The following CNTN1 variants were observed in gnomAD, a reference collection of about 807,000 sequenced individuals.
The protein encoded by CNTN1 is contactin-1.
CNTN1 carries 38 observed loss-of-function variants against 126.4 expected under a neutral mutation model. The observed-to-expected ratio is 0.30, with a 90% confidence interval of 0.23 to 0.39. CNTN1 has a LOEUF of 0.39. Ranked by LOEUF, CNTN1 falls within the 10% of genes least tolerant of loss-of-function variation. CNTN1 has a pLI of 1.00. For synonymous variants in CNTN1, 413 were observed against 422.6 expected, an observed-to-expected ratio of 0.98 and a Z score of 0.28; for missense variants, 1,009 against 1,248.4, an observed-to-expected ratio of 0.81 and a Z score of 2.89.
At chr12:40,844,069 A>AGTTTTTTTTTTTTT (rs1942396619) in intron 1 of CNTN1, among the ~76,000 whole-genome samples, 1 of 84,684 alleles carries the variant, frequency 1.2e-5, no homozygotes, top group Non-Finnish European at 2.3e-5. Context: ...TGGCACAATG[A>AGTTTTTTTTTTTTT]TTTTTTTTTT....
At chr12:40,762,882 A>G (rs1938919809) in intron 1 of CNTN1, among the ~76,000 whole-genome samples, 1 of 152,206 alleles carries the variant, frequency 6.6e-6, no homozygotes. Flanking sequence ...TAGTTTGAAT[A>G]TTTGTCCCCT....
chr12:40,999,737 C>G (rs1592381428), intron 17 of CNTN1, among the ~76,000 whole-genome samples: 2 of 119,116 alleles, frequency 1.7e-5, no homozygotes, highest in African/African-American at 3.3e-5. Flanking sequence ...GCATCTTGCT[C>G]TGTCGCCCAG....
chr12:40,921,178 A>C (rs1313745980), intron 4 of CNTN1, among the ~76,000 whole-genome samples: 7 of 152,224 alleles, frequency 4.6e-5, no homozygotes, highest in Non-Finnish European at 1.0e-4. Context: ...TATACTGCGA[A>C]AATTGTAACT....
At chr12:40,747,326 T>TGTGTGTGG (rs1418083135) in intron 1 of CNTN1, among the ~76,000 whole-genome samples, 1 of 151,814 alleles carries the variant, frequency 6.6e-6, no homozygotes, top group Non-Finnish European at 1.5e-5. Flanking sequence ...TGTGTGTGTG[T>TGTGTGTGG]GTGTGTTAGT....
At chr12:40,965,998 CCACA>C (rs57532764) in intron 15 of CNTN1, among the ~76,000 whole-genome samples, 6,668 of 136,186 alleles carry the variant, frequency 0.049, 219 homozygotes, top group African/African-American at 0.1. Flanking sequence ...CCTCATCACA[CCACA>C]CACACACACA....
At chr12:41,045,569 A>T (rs1312463651) in intron 23 of CNTN1, among the ~76,000 whole-genome samples, 2 of 152,156 alleles carry the variant, frequency 1.3e-5, no homozygotes, top group Non-Finnish European at 2.9e-5. Context: ...CTTAAACTGG[A>T]AAGTGATATG....
chr12:40,866,749 C>T (rs1943312193), intron 1 of CNTN1, among the ~76,000 whole-genome samples: 1 of 152,118 alleles, frequency 6.6e-6, no homozygotes, highest in Non-Finnish European at 1.5e-5. Context: ...TTGTGGATCT[C>T]ACTCACCTGT....
At chr12:40,930,059 T>C in intron 7 of CNTN1, 57 bp downstream of exon 7, 1 of 1,281,060 alleles carries the variant, frequency 7.8e-7, no homozygotes. Context: ...TATGGTATAC[T>C]TACCGTAATG....
intron 23 of CNTN1, among the ~76,000 whole-genome samples, chr12:41,037,868 T>A (rs1949301408): frequency 6.6e-6 from 1 of 152,140 alleles, no homozygotes; most frequent in East Asian, 1.9e-4. Flanking sequence ...TTTTAAATTA[T>A]GTTTTTAGGC....
At chr12:40,743,063 G>A (rs948122238) in intron 1 of CNTN1, among the ~76,000 whole-genome samples, 2 of 152,062 alleles carry the variant, frequency 1.3e-5, no homozygotes, top group Admixed American at 6.6e-5. Context: ...GAGGCCGGGG[G>A]AATGGGAGGC....
intron 1 of CNTN1, among the ~76,000 whole-genome samples, chr12:40,786,164 G>A (rs770795267): frequency 5.3e-5 from 8 of 152,106 alleles, no homozygotes; most frequent in Non-Finnish European, 8.8e-5. Flanking sequence ...ATCATTCTCC[G>A]ACTCATTTGG....
intron 1 of CNTN1, among the ~76,000 whole-genome samples, chr12:40,881,169 C>A (rs1943855904): frequency 6.6e-6 from 1 of 151,908 alleles, no homozygotes; most frequent in Non-Finnish European, 1.5e-5. Context: ...GTACTGGAAA[C>A]AAGTGCAATG....
chr12:40,893,508 T>C (rs1386029170), intron 1 of CNTN1, among the ~76,000 whole-genome samples: 1 of 152,036 alleles, frequency 6.6e-6, no homozygotes, highest in Non-Finnish European at 1.5e-5. Flanking sequence ...TTTTTAAATG[T>C]TTTACCTTGG....
chr12:40,785,267 A>G (rs1020714078), intron 1 of CNTN1, among the ~76,000 whole-genome samples: 12 of 152,136 alleles, frequency 7.9e-5, no homozygotes, highest in African/African-American at 2.7e-4. Flanking sequence ...ATGGTTCTGT[A>G]GGCTGTACAG....
chr12:40,946,919 A>T (rs75225020), intron 14 of CNTN1, among the ~76,000 whole-genome samples: 1,858 of 152,016 alleles, frequency 0.012, 19 homozygotes, highest in Middle Eastern at 0.024. Context: ...TTATGAATAA[A>T]TTGTGAGATT....
chr12:40,909,141 G>T (rs1189146871), intron 2 of CNTN1, among the ~76,000 whole-genome samples: 1 of 151,992 alleles, frequency 6.6e-6, no homozygotes, highest in Non-Finnish European at 1.5e-5. Context: ...TTAAAAAATG[G>T]ATTAAAGTAA....
intron 1 of CNTN1, among the ~76,000 whole-genome samples, chr12:40,805,649 T>C (rs2136492744): frequency 6.6e-6 from 1 of 152,250 alleles, no homozygotes; most frequent in South Asian, 2.1e-4. Context: ...TTTCAATATC[T>C]GAGCTATCTG....
At chr12:40,897,702 T>C (rs947652777) in intron 1 of CNTN1, among the ~76,000 whole-genome samples, 6 of 152,150 alleles carry the variant, frequency 3.9e-5, no homozygotes, top group Non-Finnish European at 7.4e-5. Context: ...AAGACCGTGT[T>C]GTGGATATAA....
At chr12:40,707,313 A>G in intron 1 of CNTN1, among the ~76,000 whole-genome samples, 1 of 134,972 alleles carries the variant, frequency 7.4e-6, no homozygotes, top group Non-Finnish European at 1.5e-5. Context: ...CAGTGGTGCA[A>G]TCTCAGCTCA....
Sources: gnomAD v4.1 joint callset for allele counts (sites outside exome capture counted in the v4.1 genomes callset) on GRCh38, gnomAD v4.1.1 for gene constraint, MANE v1.5 for transcripts, NCBI Gene and HGNC (gene_info 2026-07-23, HGNC 2026-07-21) for gene names.